Variants in MYBPC1 observed in about 807,000 individuals in gnomAD.
The protein encoded by MYBPC1 is myosin binding protein C1.
Under a neutral mutation model 147.1 loss-of-function variants are expected in MYBPC1, and 52 were observed. That is an observed-to-expected ratio of 0.35 (90% confidence interval 0.28 to 0.45). The LOEUF (loss-of-function observed/expected upper bound fraction) is 0.45. MYBPC1 is among the 20% of genes least tolerant of loss of function. MYBPC1 has a pLI of 1.00. For synonymous variants in MYBPC1, 477 were observed against 475.9 expected, an observed-to-expected ratio of 1.00 and a Z score of -0.03; for missense variants, 1,228 against 1,440.3, an observed-to-expected ratio of 0.85 and a Z score of 2.39.
rs1780473016 is a variant in MYBPC1 at position 101,659,754 on chromosome 12, A to G, written c.1850A>G (p.Asp617Gly). 6.2e-7 allele frequency: 1 copy of G among 1,614,022 alleles called. No individual in the cohort carries two copies. Among genetic ancestry groups the G allele is most frequent in the African/African-American group, 1.3e-5 (1 of 74,932 alleles). The change falls in exon 19 of 32, where the codon GAT becomes GGT. Residue 617 changes from aspartate (D) to glycine (G), a missense_variant. Physicochemically the swap from Asp to Gly is moderately conservative, Grantham distance 94. Around this residue, in one of 2 missense-constraint regions of MYBPC1, gnomAD observed 1,077 missense variants for 1,314.2 expected, o/e 0.82. Transcript: ENST00000361466. ...CTGGTCATTGATATAGCTGAAAGAGATGACTCTGGTGTTTACCACATCAAT... is the reference window on the plus strand; with the variant it reads ...CTGGTCATTGATATAGCTGAAAGAGGTGACTCTGGTGTTTACCACATCAAT... The part of the protein sequence containing the change: ...STLVIDIAER[D>G]DSGVYHINLK...
In MYBPC1 at chr12:101,680,362, A is replaced by G; in HGVS notation, c.3266A>G (p.Lys1089Arg). The G allele has an allele frequency of 6.2e-7, 1 of 1,614,092 alleles. No homozygotes were observed. The highest frequency in any genetic ancestry group is 1.1e-5 in the South Asian group (1 of 91,088). The change falls in exon 29 of 32, where the codon AAA becomes AGA. Residue 1089 changes from lysine (K) to arginine (R), a missense_variant. Lys to Arg is a conservative substitution (Grantham distance 26). Coordinates refer to ENST00000361466, the MANE Select transcript of MYBPC1 (RefSeq NM_002465.4). ...GNPKPKITWMKNKVAIVDDPR... is the reference protein window; with the variant it reads ...GNPKPKITWMRNKVAIVDDPR... Reference sequence around the variant, plus strand: ...CTTCAGCCTAAAATAACCTGGATGAAAAACAAAGTTGCTATTGTGGATGAT... The same window carrying G: ...CTTCAGCCTAAAATAACCTGGATGAGAAACAAAGTTGCTATTGTGGATGAT...
Position 101,684,378 on chromosome 12 carries a change from T to C in MYBPC1, c.3493-4T>C. ...CTCTCTCTCCCTCTTTCTCTTTTCCTTAGTCATTGCACAATAAGGATTTTT... is the reference window on the plus strand; with the variant it reads ...CTCTCTCTCCCTCTTTCTCTTTTCCCTAGTCATTGCACAATAAGGATTTTT... On this transcript the variant is annotated splice_region_variant and splice_polypyrimidine_tract_variant and intron_variant, in intron 30 of 31. Transcript: ENST00000361466. The C allele has an allele frequency of 6.3e-7, 1 of 1,581,208 alleles. No homozygotes were observed. The highest frequency in any genetic ancestry group is 8.6e-7 in the Non-Finnish European group (1 of 1,158,668).
At chr12:101,631,478 C>A in intron 6 of MYBPC1, 93 bp from the exon 7 acceptor site, 1 of 1,340,012 alleles carries the variant, frequency 7.5e-7, no homozygotes, top group Non-Finnish European at 1.0e-6. Flanking sequence ...ACACCATATT[C>A]TGTAGTGCAG....
chr12:101,678,340 T>G (rs1326614210), intron 28 of MYBPC1, 102 bp downstream of exon 28: 2 of 1,512,174 alleles, frequency 1.3e-6, no homozygotes, highest in Non-Finnish European at 1.8e-6. Context: ...ACTTGTGTCT[T>G]CCCAGGATGG....
chr12:101,628,114 T>G (rs901513849), intron 5 of MYBPC1: 3 of 351,666 alleles, frequency 8.5e-6, no homozygotes, highest in African/African-American at 6.3e-5. Flanking sequence ...ATAATTCACA[T>G]TTTTATAGAA....
At chr12:101,652,087 G>A (rs1161791107) in intron 16 of MYBPC1, among the ~76,000 whole-genome samples, 1 of 152,142 alleles carries the variant, frequency 6.6e-6, no homozygotes, top group Non-Finnish European at 1.5e-5. Context: ...CTAGAATCTG[G>A]CAAAGATCTA....
chr12:101,640,151 A>T (rs1384799301), intron 10 of MYBPC1, among the ~76,000 whole-genome samples: 1 of 152,106 alleles, frequency 6.6e-6, no homozygotes, highest in Non-Finnish European at 1.5e-5. Flanking sequence ...AGCTGGGATG[A>T]CAGGCATGCG....
At chr12:101,681,554 T>TTA in intron 29 of MYBPC1, among the ~76,000 whole-genome samples, 1 of 55,774 alleles carries the variant, frequency 1.8e-5, no homozygotes, top group Non-Finnish European at 3.3e-5. Flanking sequence ...AAAATAACTT[T>TTA]CATATATATA....
chr12:101,670,004 T>A (rs1307810058), intron 23 of MYBPC1: 2 of 453,252 alleles, frequency 4.4e-6, no homozygotes, highest in Non-Finnish European at 8.1e-6. Context: ...GAAAATGTAT[T>A]TTTCTATAAA....
chr12:101,639,998 GA>G (rs1262711281), intron 10 of MYBPC1, among the ~76,000 whole-genome samples: 2 of 152,014 alleles, frequency 1.3e-5, no homozygotes, highest in Non-Finnish European at 2.9e-5. Flanking sequence ...ATATACATAT[GA>G]ACATACATAT....
downstream of MYBPC1, among the ~76,000 whole-genome samples, chr12:101,686,884 A>G (rs1297741849): frequency 6.6e-6 from 1 of 151,982 alleles, no homozygotes. Flanking sequence ...TTATGTCCAA[A>G]CTATGTTGGC....
intron 28 of MYBPC1, 138 bp downstream of exon 28, chr12:101,678,376 A>C: frequency 8.0e-7 from 1 of 1,243,606 alleles, no homozygotes; most frequent in Non-Finnish European, 1.2e-6. Context: ...TAGTGGTGGT[A>C]GATTATTAGG....
Position 101,680,353 on chromosome 12 carries a change from C to A in MYBPC1, c.3257C>A (p.Thr1086Asn). The change falls in exon 29 of 32, where the codon ACC (threonine) becomes AAC (asparagine). Residue 1086 changes from threonine to asparagine, a missense_variant. Around this residue, in one of 2 missense-constraint regions of MYBPC1, gnomAD observed 1,077 missense variants for 1,314.2 expected, o/e 0.82. Coordinates refer to ENST00000361466, the MANE Select transcript of MYBPC1 (RefSeq NM_002465.4). ...CAATTTGAACTTCAGCCTAAAATAACCTGGATGAAAAACAAAGTTGCTATT... is the reference window on the plus strand; with the variant it reads ...CAATTTGAACTTCAGCCTAAAATAAACTGGATGAAAAACAAAGTTGCTATT... ...SVRGNPKPKI[T>N]WMKNKVAIVD... 2 of 1,613,884 alleles carry A rather than the reference C, an allele frequency of 1.2e-6. No individual in the cohort carries two copies. Among genetic ancestry groups the A allele is most frequent in the Non-Finnish European group, 1.7e-6 (2 of 1,179,912 alleles).
At chr12:101,686,733 C>T (rs1076534), downstream of MYBPC1, among the ~76,000 whole-genome samples, 3,122 of 152,206 alleles carry the variant, frequency 0.021, 230 homozygotes, top group East Asian at 0.24. Flanking sequence ...ACATTTTAAA[C>T]ATATCTGCTC....
At chr12:101,685,265 G>A (rs1214561783) in intron 31 of MYBPC1, among the ~76,000 whole-genome samples, 1 of 152,150 alleles carries the variant, frequency 6.6e-6, no homozygotes, top group Non-Finnish European at 1.5e-5. Flanking sequence ...AATCATCTAT[G>A]AGGAATCACA....
rs1446641670 is a variant in MYBPC1 at position 101,629,555 on chromosome 12, A to G, written c.289+11A>G. On this transcript the variant is annotated intron_variant, in intron 6 of 31. Coordinates refer to ENST00000361466, the MANE Select transcript of MYBPC1 (RefSeq NM_002465.4). ...GAACAGTGAAAGTTGGTGAGTGCCTAGCATTCAATCCTTCCTTTTTTAAAA... is the reference window on the plus strand; with the variant it reads ...GAACAGTGAAAGTTGGTGAGTGCCTGGCATTCAATCCTTCCTTTTTTAAAA... The G allele has an allele frequency of 1.9e-6, 3 of 1,573,638 alleles. No homozygotes were observed. In the African/African-American group the frequency reaches 4.1e-5, roughly 21 times the overall value.
chr12:101,679,159 A>T (rs1182236739), intron 28 of MYBPC1, among the ~76,000 whole-genome samples: 1 of 151,966 alleles, frequency 6.6e-6, no homozygotes, highest in Non-Finnish European at 1.5e-5. Flanking sequence ...AAAAAAAAAA[A>T]AAAAAGGAAA....
intron 12 of MYBPC1, among the ~76,000 whole-genome samples, chr12:101,645,249 A>T (rs1892841830): frequency 6.6e-6 from 1 of 152,220 alleles, no homozygotes; most frequent in Non-Finnish European, 1.5e-5. Flanking sequence ...TACTGTTTTG[A>T]GCACTTGCAA....
chr12:101,645,801 AT>A (rs1307598529), intron 12 of MYBPC1, among the ~76,000 whole-genome samples: 1 of 152,278 alleles, frequency 6.6e-6, no homozygotes, highest in East Asian at 1.9e-4. Context: ...AGATAATTAT[AT>A]TTTACAATCT....
Sources: gnomAD v4.1 joint callset for allele counts (sites outside exome capture counted in the v4.1 genomes callset) on GRCh38, gnomAD v4.1.1 for gene constraint, gnomAD v4.1.1 regional missense constraint, MANE v1.5 for transcripts, NCBI Gene and HGNC (gene_info 2026-07-23, HGNC 2026-07-21) for gene names.